The following NINL variants were observed in gnomAD, a reference collection of about 807,000 sequenced individuals.
NINL encodes the protein ninein-like protein.
In NINL, 153 loss-of-function variants were observed where a neutral mutation model predicts 160.3. The observed-to-expected ratio is 0.95, with a 90% CI of 0.84 to 1.09. NINL has a LOEUF of 1.09. Among genes scored for constraint, NINL ranks in the 50% least tolerant of loss-of-function variants. NINL has a pLI of 0.00. For synonymous variants in NINL, 800 were observed against 734.8 expected, an observed-to-expected ratio of 1.09 and a Z score of -1.43; for missense variants, 1,829 against 1,764.0, an observed-to-expected ratio of 1.04 and a Z score of -0.66.
At chr20:25,570,162 A>G (rs1253656521) in intron 1 of NINL, among the ~76,000 whole-genome samples, 2 of 152,212 alleles carry the variant, frequency 1.3e-5, no homozygotes, top group African/African-American at 2.4e-5. Context: ...CCTGGGCGAC[A>G]GAGCAAAACT....
intron 1 of NINL, among the ~76,000 whole-genome samples, chr20:25,570,207 GAGA>G (rs2058705720): frequency 6.6e-6 from 1 of 152,116 alleles, no homozygotes; most frequent in Non-Finnish European, 1.5e-5. Flanking sequence ...AGAAATTGCA[GAGA>G]AGAATTCATA....
At chr20:25,492,911 T>C (rs549010509) in intron 10 of NINL, among the ~76,000 whole-genome samples, 3 of 152,232 alleles carry the variant, frequency 2.0e-5, no homozygotes, top group African/African-American at 7.2e-5. Context: ...TCATTACATT[T>C]ATAATAAGGA....
chr20:25,531,786 G>A (rs571114426), intron 1 of NINL, among the ~76,000 whole-genome samples: 23 of 152,278 alleles, frequency 1.5e-4, no homozygotes, highest in South Asian at 1.2e-3. Context: ...GAGGAAACGC[G>A]GCTGAGCTGT....
chr20:25,559,280 C>T lies in NINL; in HGVS notation c.-12+26175G>A, dbSNP rs139261955. Among the ~76,000 whole-genome samples, 35 of 152,222 alleles carry T rather than the reference C, an allele frequency of 2.3e-4. No individual in the cohort carries two copies. The East Asian group carries it at 6.6e-3, about 29-fold the overall frequency. On this transcript the variant is annotated intron_variant, in intron 1 of 23. Transcript: ENST00000278886. ...TCTTTGAGATGGAGTCTCACTCTGT[C>T]GCCAGGCTGGAGTGCAGTGGCGCGA...
At chr20:25,548,803 A>AG (rs2064769840) in intron 1 of NINL, among the ~76,000 whole-genome samples, 1 of 95,956 alleles carries the variant, frequency 1.0e-5, no homozygotes, top group African/African-American at 4.1e-5. Context: ...GACTCACCCA[A>AG]GGCTGGCCCC....
intron 8 of NINL, chr20:25,499,299 G>T (rs1311482263): frequency 1.3e-5 from 12 of 910,010 alleles, no homozygotes; most frequent in Non-Finnish European, 1.6e-5. Flanking sequence ...AGCAGCCTGA[G>T]GTCAGAAATG....
At chr20:25,474,760 G>A (rs1173835120) in intron 17 of NINL, among the ~76,000 whole-genome samples, 4 of 151,254 alleles carry the variant, frequency 2.6e-5, no homozygotes, top group Admixed American at 2.0e-4. Flanking sequence ...GACTACAAGC[G>A]CATGCCACCA....
chr20:25,546,283 C>G (rs2064730925), intron 1 of NINL, among the ~76,000 whole-genome samples: 1 of 152,130 alleles, frequency 6.6e-6, no homozygotes, highest in Non-Finnish European at 1.5e-5. Flanking sequence ...AGGTTTCCCC[C>G]AGGTGGATTC....
In NINL at chr20:25,508,760, A is replaced by G. The variant is rs1483899314; in HGVS notation, c.517+1914T>C. ...CACCTGCATCCCTGCACCCTGAAAC[A>G]CTAGCTCCTTTCATCACTGCCTCCT... On this transcript the variant is annotated intron_variant, in intron 5 of 23. Coordinates refer to ENST00000278886, the MANE Select transcript of NINL (RefSeq NM_025176.6). Among the ~76,000 whole-genome samples, 3 of 152,276 alleles carry G rather than the reference A, an allele frequency of 2.0e-5. No homozygotes were observed. In the East Asian group the frequency reaches 5.8e-4, roughly 29 times the overall value.
At chr20:25,475,303 A>G (rs766540289) in intron 17 of NINL, among the ~76,000 whole-genome samples, 2 of 152,104 alleles carry the variant, frequency 1.3e-5, no homozygotes, top group Admixed American at 6.5e-5. Context: ...CCAGGAGCTG[A>G]TGGCTTCACT....
intron 5 of NINL, among the ~76,000 whole-genome samples, chr20:25,506,251 ACT>A (rs2063960301): frequency 6.6e-6 from 1 of 151,992 alleles, no homozygotes. Context: ...ACAGAAGAAT[ACT>A]CTGTCTCAGA....
At chr20:25,530,226 C>T (rs560666225) in intron 1 of NINL, among the ~76,000 whole-genome samples, 2 of 152,218 alleles carry the variant, frequency 1.3e-5, no homozygotes, top group South Asian at 2.1e-4. Context: ...AACAGATGGG[C>T]GGTGAGGCAC....
intron 12 of NINL, 77 bp from the exon 13 acceptor site, chr20:25,489,401 C>T: frequency 7.7e-7 from 1 of 1,302,614 alleles, no homozygotes; most frequent in African/African-American, 1.4e-5. Context: ...CCCTGGGCTC[C>T]AAGAACCTGC....
At chr20:25,541,047 G>A (rs2064654925) in intron 1 of NINL, among the ~76,000 whole-genome samples, 1 of 151,590 alleles carries the variant, frequency 6.6e-6, no homozygotes, top group African/African-American at 2.4e-5. Flanking sequence ...TCCCTACAAA[G>A]TAGATTTTTA....
chr20:25,487,551 A>G (rs779528837), intron 13 of NINL, among the ~76,000 whole-genome samples: 2 of 152,190 alleles, frequency 1.3e-5, no homozygotes, highest in Non-Finnish European at 2.9e-5. Flanking sequence ...AACCCTCTGT[A>G]TGCCAGGATG....
At chr20:25,475,925 G>C (rs2063220450) in intron 17 of NINL, 118 bp downstream of exon 17, 1 of 1,065,320 alleles carries the variant, frequency 9.4e-7, no homozygotes, top group Non-Finnish European at 1.4e-6. Flanking sequence ...CCCCCATCAG[G>C]GGCTGCGAGC....
chr20:25,469,231 G>C (rs1482060504), intron 18 of NINL, among the ~76,000 whole-genome samples: 1 of 42,564 alleles, frequency 2.3e-5, no homozygotes, highest in Non-Finnish European at 4.2e-5. Context: ...CGCCTGCCCT[G>C]TCCCCCTGAC....
intron 1 of NINL, among the ~76,000 whole-genome samples, chr20:25,530,479 T>C (rs1006270735): frequency 6.6e-6 from 1 of 152,096 alleles, no homozygotes; most frequent in Non-Finnish European, 1.5e-5. Context: ...CCTGCTTGTA[T>C]GGGCATATGT....
intron 2 of NINL, among the ~76,000 whole-genome samples, chr20:25,522,626 T>C (rs1285384999): frequency 6.6e-6 from 1 of 152,242 alleles, no homozygotes; most frequent in Non-Finnish European, 1.5e-5. Flanking sequence ...ATGATGAAAT[T>C]GCAATTTTGC....
Sources: gnomAD v4.1 joint callset for allele counts (sites outside exome capture counted in the v4.1 genomes callset) on GRCh38, gnomAD v4.1.1 for gene constraint, MANE v1.5 for transcripts, NCBI Gene and HGNC (gene_info 2026-07-23, HGNC 2026-07-21) for gene names.